PRKCQ: variants seen among roughly 807,000 people sequenced by gnomAD.
The protein encoded by PRKCQ is protein kinase C theta type.
In PRKCQ, 41 loss-of-function variants were observed where a neutral mutation model predicts 91.2. That is an observed-to-expected ratio of 0.45 (90% CI 0.35 to 0.58). PRKCQ has a LOEUF of 0.58. PRKCQ is among the 20% of genes least tolerant of loss of function. The pLI, the probability that PRKCQ is intolerant of heterozygous loss-of-function variation, is 0.00. For missense variants in PRKCQ, 673 were observed against 896.5 expected, an observed-to-expected ratio of 0.75 and a Z score of 3.18; for synonymous variants, 307 against 316.9, an observed-to-expected ratio of 0.97 and a Z score of 0.33.
At chr10:6,555,458 T>C (rs1390647022) in intron 1 of PRKCQ, among the ~76,000 whole-genome samples, 1 of 152,150 alleles carries the variant, frequency 6.6e-6, no homozygotes, top group Non-Finnish European at 1.5e-5. Flanking sequence ...CAGTGAATAA[T>C]GCAATCCTCT....
At chr10:6,455,777 G>C (rs1318851545) in intron 15 of PRKCQ, among the ~76,000 whole-genome samples, 1 of 152,210 alleles carries the variant, frequency 6.6e-6, no homozygotes, top group African/African-American at 2.4e-5. Context: ...AGCTACATGA[G>C]ATGTGACCAC....
At chr10:6,447,109 AG>A (rs1292766212) in intron 15 of PRKCQ, among the ~76,000 whole-genome samples, 1 of 152,076 alleles carries the variant, frequency 6.6e-6, no homozygotes, top group Non-Finnish European at 1.5e-5. Flanking sequence ...AGTGTGCCAT[AG>A]AAAGTATGAT....
At chr10:6,411,298 G>A in the PRKCQ span, among the ~76,000 whole-genome samples, 1 of 152,162 alleles carries the variant, frequency 6.6e-6, no homozygotes, top group Admixed American at 6.5e-5. Flanking sequence ...CACTTAGAAA[G>A]TTCCCTGGCA....
intron 1 of PRKCQ, among the ~76,000 whole-genome samples, chr10:6,573,128 TTC>T (rs781753098): frequency 2.6e-5 from 4 of 152,220 alleles, no homozygotes; most frequent in African/African-American, 4.8e-5. Flanking sequence ...TCTTAATATT[TTC>T]TGTTTTATTC....
the PRKCQ span, among the ~76,000 whole-genome samples, chr10:6,417,498 A>AC: frequency 4.4e-5 from 1 of 22,950 alleles, no homozygotes; most frequent in Admixed American, 5.3e-4. Flanking sequence ...TTTCGGTCAA[A>AC]CCCCAAATTC....
At chr10:6,479,373 A>T (rs1836452002) in intron 11 of PRKCQ, among the ~76,000 whole-genome samples, 1 of 152,000 alleles carries the variant, frequency 6.6e-6, no homozygotes, top group African/African-American at 2.4e-5. Context: ...CTATCTTTGT[A>T]CTCTTTCCAA....
intron 15 of PRKCQ, among the ~76,000 whole-genome samples, chr10:6,442,602 T>G (rs988553608): frequency 2.0e-5 from 3 of 152,184 alleles, no homozygotes; most frequent in African/African-American, 4.8e-5. Flanking sequence ...GGGGCACAAC[T>G]CTAATCACTG....
Position 6,430,314 on chromosome 10 carries a change from C to A in PRKCQ, c.1965+496G>T, listed in dbSNP as rs1477261269. On this transcript the variant is annotated intron_variant, in intron 17 of 17. Coordinates refer to ENST00000263125, the MANE Select transcript of PRKCQ (RefSeq NM_006257.5). This position sits in a 1 kb window ranked among gnomAD's most constrained non-coding sequence, Gnocchi z 4.7. The stretch of plus-strand genomic sequence containing the variant: ...TTTAAAGCACGGATTTAGTTAGTTT[C>A]TCCCTTAAACCAAAGAACACCTAAC... Among the ~76,000 whole-genome samples the A allele has an allele frequency of 6.6e-6, 1 of 152,184 alleles. No homozygotes were observed. Among genetic ancestry groups the A allele is most frequent in the Non-Finnish European group, 1.5e-5 (1 of 68,042 alleles).
At chr10:6,524,163 A>T (rs562741321) in intron 1 of PRKCQ, among the ~76,000 whole-genome samples, 4 of 152,286 alleles carry the variant, frequency 2.6e-5, no homozygotes, top group Non-Finnish European at 5.9e-5. Flanking sequence ...AAAAAATCCT[A>T]TGAGAAAGAG....
At chr10:6,445,934 G>C (rs1277467634) in intron 15 of PRKCQ, among the ~76,000 whole-genome samples, 1 of 152,166 alleles carries the variant, frequency 6.6e-6, no homozygotes, top group Non-Finnish European at 1.5e-5. Flanking sequence ...CTTCGTTTTG[G>C]CAGGACAAAC....
chr10:6,537,056 A>T (rs2130909939), intron 1 of PRKCQ, among the ~76,000 whole-genome samples: 1 of 152,202 alleles, frequency 6.6e-6, no homozygotes, highest in East Asian at 1.9e-4. Context: ...TCAGGGACAG[A>T]AAGATGGGGC....
the PRKCQ span, among the ~76,000 whole-genome samples, chr10:6,401,104 C>A: frequency 6.6e-6 from 1 of 152,150 alleles, no homozygotes; most frequent in East Asian, 1.9e-4. Flanking sequence ...AGAAATAAGA[C>A]CCTCTGAGTG....
At chr10:6,569,815 T>C (rs1402950599) in intron 1 of PRKCQ, among the ~76,000 whole-genome samples, 1 of 151,852 alleles carries the variant, frequency 6.6e-6, no homozygotes, top group Non-Finnish European at 1.5e-5. Context: ...AGAAAACGTG[T>C]TGAAAGAGAA....
chr10:6,527,609 A>T (rs1839244505), intron 1 of PRKCQ, among the ~76,000 whole-genome samples: 1 of 152,198 alleles, frequency 6.6e-6, no homozygotes, highest in Non-Finnish European at 1.5e-5. Context: ...TGCCAAGGGG[A>T]GAGGTAAGCC....
chr10:6,404,255 G>GGAGAGAGAGA, the PRKCQ span, among the ~76,000 whole-genome samples: 1,295 of 34,332 alleles, frequency 0.038, 143 homozygotes, highest in Admixed American at 0.076. Context: ...GAAGGGGGGG[G>GGAGAGAGAGA]GAGAGAGAGA....
At chr10:6,431,036 T>C (rs1053716846) in intron 16 of PRKCQ, 98 bp from the exon 17 acceptor site, 1 of 1,437,042 alleles carries the variant, frequency 7.0e-7, no homozygotes, top group African/African-American at 1.4e-5. Flanking sequence ...CCTTCTTTTC[T>C]AACCTCATTT....
At chr10:6,491,858 G>T in intron 7 of PRKCQ, 46 bp from the exon 8 acceptor site, 1 of 1,612,116 alleles carries the variant, frequency 6.2e-7, no homozygotes, top group South Asian at 1.1e-5. Context: ...CTGGGGCCCC[G>T]ACTTTGGATG....
At chr10:6,414,611 T>C in the PRKCQ span, among the ~76,000 whole-genome samples, 1 of 152,176 alleles carries the variant, frequency 6.6e-6, no homozygotes, top group Non-Finnish European at 1.5e-5. Context: ...AGACATAAAA[T>C]ATCTCTTAAC....
chr10:6,437,900 A>G (rs1177094692), intron 16 of PRKCQ, among the ~76,000 whole-genome samples: 2 of 152,032 alleles, frequency 1.3e-5, no homozygotes, highest in Admixed American at 1.3e-4. Context: ...TGACCCGCCC[A>G]TCTCGGCCTC....
Sources: allele counts gnomAD v4.1 joint callset (sites outside exome capture counted in the v4.1 genomes callset), GRCh38; gene constraint gnomAD v4.1.1; non-coding constraint Gnocchi (gnomAD v3.1); transcripts MANE v1.5; gene names NCBI Gene and HGNC (gene_info 2026-07-23, HGNC 2026-07-21).